Variants in CNGB1 observed in about 807,000 individuals in gnomAD.
The protein encoded by CNGB1 is cyclic nucleotide-gated channel beta-1.
CNGB1 carries 126 observed loss-of-function variants against 151.7 expected under a neutral mutation model. The observed-to-expected ratio is 0.83, with a 90% CI of 0.72 to 0.96. CNGB1 has a LOEUF of 0.96. CNGB1 is among the 40% of genes least tolerant of loss of function. The pLI is 0.00. For missense variants in CNGB1, 1,698 were observed against 1,627.0 expected (o/e 1.04, Z -0.75); for synonymous variants, 623 against 635.1 (o/e 0.98, Z 0.29).
chr16:57,963,107 G>A (rs1323791371), intron 4 of CNGB1, 43 bp from the exon 5 acceptor site: 40 of 1,432,186 alleles, frequency 2.8e-5, no homozygotes, highest in Non-Finnish European at 3.7e-5. Flanking sequence ...ACTTCCCCTA[G>A]CTCAATGAGG....
intron 4 of CNGB1, 159 bp downstream of exon 4, chr16:57,963,971 C>G (rs1567399434): frequency 1.5e-6 from 1 of 650,566 alleles, no homozygotes; most frequent in Non-Finnish European, 2.6e-6. Flanking sequence ...CCACCTGAAG[C>G]TCACTTCAGC....
chr16:57,922,626 A>G (rs1202698056), intron 18 of CNGB1, among the ~76,000 whole-genome samples: 2 of 151,354 alleles, frequency 1.3e-5, no homozygotes, highest in Admixed American at 6.6e-5. Flanking sequence ...ACAGGGTTTC[A>G]CCATATTGGT....
chr16:57,927,968 G>A (rs1295710192), intron 17 of CNGB1, among the ~76,000 whole-genome samples: 1 of 152,202 alleles, frequency 6.6e-6, no homozygotes, highest in African/African-American at 2.4e-5. Context: ...CCCTCAGTTT[G>A]CTACACCTAG....
rs1290853823 is a variant in CNGB1 at position 57,897,662 on chromosome 16, C to T, written c.3096-119G>A. 38 of 1,549,452 alleles carry T rather than the reference C, an allele frequency of 2.5e-5. 1 individual carries two copies. Among genetic ancestry groups the T allele is most frequent in the South Asian group, 1.1e-4 (10 of 89,558 alleles). ...CCCCACACAGATGAGAACCTTCCCC[C>T]GCCCCCATCCCCGCATACATCAGCA... is the stretch of plus-strand genomic sequence containing the variant. On this transcript the variant is annotated intron_variant, in intron 30 of 32. Transcript: ENST00000251102.
intron 7 of CNGB1, 39 bp downstream of exon 7, chr16:57,962,526 A>G (rs1322053372): frequency 1.3e-6 from 2 of 1,593,198 alleles, no homozygotes; most frequent in Admixed American, 3.3e-5. Flanking sequence ...TCCCACCCAC[A>G]CATACAGACA....
intron 2 of CNGB1, among the ~76,000 whole-genome samples, chr16:57,966,926 A>G (rs889640153): frequency 2.0e-5 from 3 of 152,222 alleles, no homozygotes; most frequent in Non-Finnish European, 4.4e-5. Flanking sequence ...CTTTTACAGA[A>G]AATGTTAGCC....
At chr16:57,958,659 C>T (rs1962153559) in intron 10 of CNGB1, among the ~76,000 whole-genome samples, 174 bp from the exon 11 acceptor site, 2 of 152,232 alleles carry the variant, frequency 1.3e-5, no homozygotes, top group South Asian at 4.1e-4. Context: ...TCCACCCTCC[C>T]TCGGTGCTCT....
chr16:57,895,962 T>C (rs912918643), intron 31 of CNGB1, among the ~76,000 whole-genome samples: 4 of 152,112 alleles, frequency 2.6e-5, no homozygotes, highest in African/African-American at 7.2e-5. Flanking sequence ...CCTATATACA[T>C]TGAGAAATGA....
chr16:57,939,315 G>A (rs542856705), intron 16 of CNGB1, 115 bp downstream of exon 16: 9 of 1,462,790 alleles, frequency 6.2e-6, no homozygotes, highest in Middle Eastern at 3.4e-4. Context: ...GGGGGCAATG[G>A]GGGGAAGGAG....
chr16:57,932,506 C>T (rs1402400969), intron 16 of CNGB1, among the ~76,000 whole-genome samples: 3 of 151,262 alleles, frequency 2.0e-5, no homozygotes, highest in Admixed American at 6.6e-5. Flanking sequence ...GGGTTCATGC[C>T]ATTCTCCTGC....
chr16:57,930,431 C>A (rs1961313325), intron 17 of CNGB1, among the ~76,000 whole-genome samples: 2 of 151,066 alleles, frequency 1.3e-5, no homozygotes, highest in South Asian at 4.2e-4. Context: ...GAGGTTGAGG[C>A]TGCAGTGGAC....
At chr16:57,935,948 G>A (rs541182944) in intron 16 of CNGB1, among the ~76,000 whole-genome samples, 13 of 152,198 alleles carry the variant, frequency 8.5e-5, no homozygotes, top group East Asian at 1.9e-4. Context: ...AACAGTGGAC[G>A]TCTTCCCGTG....
At chr16:57,896,717 TA>T (rs779926738) in intron 31 of CNGB1, among the ~76,000 whole-genome samples, 10 of 44,390 alleles carry the variant, frequency 2.3e-4, no homozygotes, top group African/African-American at 1.1e-3. Flanking sequence ...TGTCTCAAAA[TA>T]AATAAATAAA....
chr16:57,916,278 C>A, intron 21 of CNGB1, 99 bp from the exon 22 acceptor site: 1 of 1,147,822 alleles, frequency 8.7e-7, no homozygotes, highest in Non-Finnish European at 1.3e-6. Context: ...CACCCTGAAA[C>A]GAGCATAACA....
intron 16 of CNGB1, among the ~76,000 whole-genome samples, chr16:57,938,898 T>C (rs992359054): frequency 6.6e-5 from 10 of 152,034 alleles, no homozygotes; most frequent in Admixed American, 1.3e-4. Flanking sequence ...CACAGCAAAA[T>C]GTATGTGCTG....
At chr16:57,953,621 C>T (rs1401597957) in intron 12 of CNGB1, among the ~76,000 whole-genome samples, 1 of 152,122 alleles carries the variant, frequency 6.6e-6, no homozygotes, top group African/African-American at 2.4e-5. Context: ...CCCTGGGTCT[C>T]TGTCAAAGCC....
chr16:57,892,130 A>G (rs977713996), intron 31 of CNGB1, among the ~76,000 whole-genome samples: 1 of 151,584 alleles, frequency 6.6e-6, no homozygotes. Context: ...ACCTCTTCGC[A>G]GTACAAGAGC....
At chr16:57,920,317 A>T in intron 19 of CNGB1, 70 bp downstream of exon 19, 1 of 1,564,988 alleles carries the variant, frequency 6.4e-7, no homozygotes, top group South Asian at 1.1e-5. Flanking sequence ...CCTTGCCATG[A>T]GTTGACAGGG....
chr16:57,911,828 G>A lies in CNGB1; in HGVS notation c.2417C>T (p.Ser806Phe). The A allele has an allele frequency of 6.2e-7, 1 of 1,614,066 alleles. No homozygotes were observed. The highest frequency in any genetic ancestry group is 8.5e-7 in the Non-Finnish European group (1 of 1,179,948). The change falls in exon 25 of 33, where the codon TCC becomes TTC. Residue 806 changes from serine (S) to phenylalanine (F), a missense_variant. Coordinates refer to ENST00000251102, the MANE Select transcript of CNGB1 (RefSeq NM_001297.5). ...GGCCGATGCCCAGTAATAAAGACAG[G>A]AATTCAAATGCAGGCTGTAGAGAAG... ...AYLLYSLHLN[S>F]CLYYWASAYQ...
Sources: allele counts gnomAD v4.1 joint callset (sites outside exome capture counted in the v4.1 genomes callset), GRCh38; gene constraint gnomAD v4.1.1; transcripts MANE v1.5; gene names NCBI Gene and HGNC (gene_info 2026-07-23, HGNC 2026-07-21).